Variants in CALD1 observed in about 807,000 individuals in gnomAD.
The protein encoded by CALD1 is caldesmon.
In CALD1, 33 loss-of-function variants were observed where a neutral mutation model predicts 99.9. That is an observed-to-expected ratio of 0.33 (90% CI 0.25 to 0.44). The LOEUF (loss-of-function observed/expected upper bound fraction) is 0.44. CALD1 is among the 20% of genes least tolerant of loss of function. CALD1 has a pLI of 1.00. For synonymous variants in CALD1, 310 were observed against 325.0 expected (o/e 0.95, Z 0.50); for missense variants, 861 against 962.1 (o/e 0.89, Z 1.39).
Position 134,933,025 on chromosome 7 carries a change from A to G in CALD1, c.256A>G (p.Thr86Ala). The stretch of plus-strand genomic sequence containing the variant: ...GGAGGCCAAGACAACCACCACAAAC[A>G]CTCAAGTGGAAGGGGATGATGAGGC... ...DEEAKTTTTN[T>A]QVEGDDEAAF... The change falls in exon 5 of 15, where the codon ACT becomes GCT. Residue 86 changes from threonine to alanine, a missense_variant. Around this residue, in one of 5 missense-constraint regions of CALD1, gnomAD observed 123 missense variants for 169.8 expected, o/e 0.72. Coordinates refer to ENST00000361675, the MANE Select transcript of CALD1 (RefSeq NM_033138.4). The G allele has an allele frequency of 6.2e-7, 1 of 1,612,880 alleles. No individual in the cohort carries two copies. Among genetic ancestry groups the G allele is most frequent in the Non-Finnish European group, 8.5e-7 (1 of 1,179,590 alleles).
intron 6 of CALD1, among the ~76,000 whole-genome samples, chr7:134,938,994 G>A (rs764095078): frequency 1.1e-4 from 17 of 152,306 alleles, no homozygotes; most frequent in Admixed American, 3.9e-4. Context: ...TCCACAGACC[G>A]TGAGCTCCTA....
intron 1 of CALD1, among the ~76,000 whole-genome samples, chr7:134,829,177 A>T (rs1418686225): frequency 6.6e-6 from 1 of 152,260 alleles, no homozygotes; most frequent in African/African-American, 2.4e-5. Context: ...GAAAAGACAG[A>T]TATTAAATAC....
chr7:134,711,688 GTGTGTGTGTGTGT>G, the CALD1 span, among the ~76,000 whole-genome samples: 1 of 56,624 alleles, frequency 1.8e-5, no homozygotes, highest in South Asian at 8.7e-4. Flanking sequence ...ATATGTGTGT[GTGTGTGTGTGTGT>G]GTGTGTGTGT....
At chr7:134,963,712 G>A (rs1435747638) in intron 13 of CALD1, among the ~76,000 whole-genome samples, 2 of 152,082 alleles carry the variant, frequency 1.3e-5, no homozygotes, top group South Asian at 2.1e-4. Context: ...AACTGTTATC[G>A]ATCATATTTT....
intron 3 of CALD1, among the ~76,000 whole-genome samples, chr7:134,886,169 C>T (rs1216075747): frequency 6.6e-6 from 1 of 152,208 alleles, no homozygotes; most frequent in Admixed American, 6.5e-5. Context: ...CTGACTCATA[C>T]ATTGCAACAT....
At chr7:134,959,701 A>G (rs1164998960) in intron 11 of CALD1, among the ~76,000 whole-genome samples, 1 of 152,174 alleles carries the variant, frequency 6.6e-6, no homozygotes, top group Non-Finnish European at 1.5e-5. Context: ...TGTTGAAGAA[A>G]CGAAGTAGAA....
intron 13 of CALD1, among the ~76,000 whole-genome samples, chr7:134,963,849 C>T (rs1216125100): frequency 6.6e-6 from 1 of 152,186 alleles, no homozygotes; most frequent in Non-Finnish European, 1.5e-5. Flanking sequence ...CTGAATTACC[C>T]ACTTGCCCCT....
chr7:134,961,751 T>C (rs982919657), intron 13 of CALD1: 1 of 152,054 alleles, frequency 6.6e-6, no homozygotes, highest in African/African-American at 2.4e-5. Flanking sequence ...CCCCTCTCAA[T>C]AGGTACAAGA....
intron 1 of CALD1, among the ~76,000 whole-genome samples, chr7:134,815,507 A>T (rs1009395988): frequency 1.3e-5 from 2 of 152,014 alleles, no homozygotes; most frequent in African/African-American, 4.8e-5. Context: ...GTGAATATTT[A>T]CTAAACATGG....
intron 3 of CALD1, among the ~76,000 whole-genome samples, chr7:134,875,245 G>A (rs1004199336): frequency 3.3e-5 from 5 of 151,910 alleles, no homozygotes; most frequent in African/African-American, 9.7e-5. Context: ...GCCATGTTGC[G>A]CAGTCCAGTC....
At chr7:134,763,618 C>G (rs1377698403) in intron 1 of CALD1, among the ~76,000 whole-genome samples, 2 of 152,130 alleles carry the variant, frequency 1.3e-5, no homozygotes, top group Non-Finnish European at 2.9e-5. Context: ...AGTTTTCCCT[C>G]TCAGAATATA....
chr7:134,881,339 A>G (rs1052041516), intron 3 of CALD1, among the ~76,000 whole-genome samples: 6 of 152,124 alleles, frequency 3.9e-5, no homozygotes, highest in African/African-American at 1.4e-4. Flanking sequence ...CCCACTCTCA[A>G]TTTATTATCA....
intron 1 of CALD1, among the ~76,000 whole-genome samples, chr7:134,820,386 C>A (rs959209889): frequency 5.9e-5 from 9 of 152,134 alleles, no homozygotes; most frequent in Non-Finnish European, 2.9e-5. Context: ...TAGGAGAAAT[C>A]TGTCATGGGT....
chr7:134,773,481 C>A (rs78842606), intron 1 of CALD1, among the ~76,000 whole-genome samples: 2,322 of 152,066 alleles, frequency 0.015, 58 homozygotes, highest in African/African-American at 0.05. Flanking sequence ...GCCCTGTTGC[C>A]CAGGCTGGTC....
chr7:134,920,442 TG>T (rs1804528818), intron 3 of CALD1: 12 of 936,228 alleles, frequency 1.3e-5, no homozygotes, highest in Admixed American at 4.9e-5. Context: ...CCAATAATGA[TG>T]GGAATCAAAT....
the CALD1 span, among the ~76,000 whole-genome samples, chr7:134,725,882 C>A: frequency 6.6e-6 from 1 of 152,096 alleles, no homozygotes; most frequent in African/African-American, 2.4e-5. Context: ...AGTGACGTGG[C>A]CAAGGCACTA....
In CALD1 at chr7:134,786,611, G is replaced by A. The variant is rs116324423; in HGVS notation, c.-130+6862G>A. Among the ~76,000 whole-genome samples the A allele has an allele frequency of 6.3e-3, 953 of 151,254 alleles. 11 individuals carry two copies. The highest frequency in any genetic ancestry group is 0.022 in the African/African-American group (916 of 41,248). On this transcript the variant is annotated intron_variant, in intron 1 of 14. Coordinates refer to ENST00000361675, the MANE Select transcript of CALD1 (RefSeq NM_033138.4). Reference sequence around the variant, plus strand: ...AGGAACCTCTATTTTTTTTTCATTCGTATATACCCAGTGCGTGGCACACGG... The same window carrying A: ...AGGAACCTCTATTTTTTTTTCATTCATATATACCCAGTGCGTGGCACACGG...
At chr7:134,808,145 G>A (rs1319900145) in intron 1 of CALD1, among the ~76,000 whole-genome samples, 3 of 150,558 alleles carry the variant, frequency 2.0e-5, no homozygotes, top group African/African-American at 7.4e-5. Flanking sequence ...TTGTCGCCCA[G>A]GCTTGAGTAC....
At chr7:134,718,277 T>A in the CALD1 span, among the ~76,000 whole-genome samples, 27,509 of 152,174 alleles carry the variant, frequency 0.18, 2,522 homozygotes, top group South Asian at 0.24. Flanking sequence ...AAGCTTGATG[T>A]CATAAGCACT....
Sources: allele counts gnomAD v4.1 joint callset (sites outside exome capture counted in the v4.1 genomes callset), GRCh38; gene constraint gnomAD v4.1.1; regional missense constraint gnomAD v4.1.1; transcripts MANE v1.5; gene names NCBI Gene and HGNC (gene_info 2026-07-23, HGNC 2026-07-21).